Variants in SMC5 observed in about 807,000 individuals in gnomAD.
SMC5 encodes structural maintenance of chromosomes 5, also known as structural maintenance of chromosomes protein 5.
Under a neutral mutation model 148.3 loss-of-function variants are expected in SMC5, and 88 were observed. The observed-to-expected ratio is 0.59, with a 90% CI of 0.50 to 0.71. The LOEUF is 0.71. SMC5 is among the 30% of genes least tolerant of loss of function. The probability of loss-of-function intolerance (pLI) is 0.00; values close to 1 mark genes in which losing one functional copy is unlikely to be tolerated. For synonymous variants in SMC5, 421 were observed against 432.8 expected (o/e 0.97, Z 0.34); for missense variants, 1,142 against 1,298.9 (o/e 0.88, Z 1.86).
intron 16 of SMC5, 52 bp downstream of exon 16, chr9:70,323,658 T>A (rs746015989): frequency 1.3e-6 from 2 of 1,555,512 alleles, no homozygotes; most frequent in Non-Finnish European, 1.7e-6. Context: ...AGCGGGCAGA[T>A]AAGATAGTAA....
chr9:70,323,740 C>A, intron 16 of SMC5, 134 bp downstream of exon 16: 1 of 1,049,490 alleles, frequency 9.5e-7, no homozygotes, highest in Non-Finnish European at 1.4e-6. Context: ...AGATCTTTAT[C>A]ATCAGTTTCA....
intron 3 of SMC5, among the ~76,000 whole-genome samples, chr9:70,268,627 G>C (rs1212479315): frequency 6.8e-6 from 1 of 147,106 alleles, no homozygotes; most frequent in Non-Finnish European, 1.5e-5. Context: ...TGCTGATCTT[G>C]AAAGTAATAC....
At chr9:70,334,766 A>G (rs2036316906) in intron 17 of SMC5, among the ~76,000 whole-genome samples, 1 of 152,220 alleles carries the variant, frequency 6.6e-6, no homozygotes, top group Non-Finnish European at 1.5e-5. Flanking sequence ...AAAGAAAACC[A>G]ACAACCCAGT....
In SMC5 at chr9:70,353,893, CTT is replaced by C. The variant is rs1421425901; in HGVS notation, c.*1564_*1565del. On this transcript the variant is annotated 3_prime_UTR_variant, in exon 25 of 25. Transcript: ENST00000361138. ...ATTACTTTGCGTTCCACCAAAATAT[CTT>C]TACTAAAATGTGCTTGGTGTAGTTT... is the stretch of plus-strand genomic sequence containing the variant. 7 of 152,166 alleles carry C rather than the reference CTT, an allele frequency of 4.6e-5. No homozygotes were observed. The highest frequency in any genetic ancestry group is 8.8e-5 in the Non-Finnish European group (6 of 68,024). The allele number at this position is 152,166 out of a possible 1,614,324, so 9.4% of individuals were successfully genotyped here.
intron 8 of SMC5, chr9:70,286,717 C>CT (rs34919823): frequency 0.015 from 1,796 of 117,434 alleles, 34 homozygotes; most frequent in Non-Finnish European, 0.022. Flanking sequence ...AACTTTTCGT[C>CT]TTTTTTTTTT....
intron 1 of SMC5, 106 bp downstream of exon 1, chr9:70,259,369 G>A: frequency 8.1e-7 from 1 of 1,228,064 alleles, no homozygotes; most frequent in Non-Finnish European, 1.1e-6. Flanking sequence ...TACCTGGCTT[G>A]TGGGTCTGGC....
chr9:70,323,597 C>G lies in SMC5; in HGVS notation c.2265C>G (p.Asn755Lys), dbSNP rs577507828. The part of the protein sequence containing the change: ...QKAKLVTELT[N>K]LIKICTSLHI... ...CGAAACTTGTTACCGAATTAACAAA[C>G]CTAATAAAGGTAAGGTATTGTTTTA... Residue 755 changes from asparagine to lysine, a missense_variant, in exon 16 of 25, where the codon AAC (asparagine) becomes AAG (lysine). Coordinates refer to ENST00000361138, the MANE Select transcript of SMC5 (RefSeq NM_015110.4). 1 of 1,610,724 alleles carries G rather than the reference C, an allele frequency of 6.2e-7. No homozygotes were observed. Among genetic ancestry groups the G allele is most frequent in the South Asian group, 1.1e-5 (1 of 90,464 alleles).
intron 11 of SMC5, among the ~76,000 whole-genome samples, chr9:70,313,252 A>T (rs990081203): frequency 1.3e-5 from 2 of 152,144 alleles, no homozygotes; most frequent in Non-Finnish European, 2.9e-5. Context: ...TTCATTTCAG[A>T]TAATGCATAT....
intron 17 of SMC5, among the ~76,000 whole-genome samples, chr9:70,338,898 A>G (rs1408290413): frequency 1.3e-5 from 2 of 152,120 alleles, no homozygotes; most frequent in Non-Finnish European, 2.9e-5. Context: ...GAGTGTACCT[A>G]TAGTTCCAAC....
rs1413602263 is a variant in SMC5, at chr9:70,323,560, A to G, written c.2228A>G (p.Asn743Ser). 15 of 1,612,860 alleles carry G rather than the reference A, an allele frequency of 9.3e-6. No individual in the cohort carries two copies. Among genetic ancestry groups the G allele is most frequent in the Non-Finnish European group, 1.2e-5 (14 of 1,179,464 alleles). The change falls in exon 16 of 25, where the codon AAT (asparagine) becomes AGT (serine). Residue 743 changes from asparagine to serine, a missense_variant. By Grantham distance (46) the Asn-to-Ser change is conservative. Coordinates refer to ENST00000361138, the MANE Select transcript of SMC5 (RefSeq NM_015110.4). ...GCAAGTACCAAAATCAAAGAAATAA[A>G]TGTTCAAAAAGCGAAACTTGTTACC... is the stretch of plus-strand genomic sequence containing the variant. ...RKASTKIKEI[N>S]VQKAKLVTEL...
At chr9:70,297,832 T>A in intron 8 of SMC5, 134 bp from the exon 9 acceptor site, 1 of 980,830 alleles carries the variant, frequency 1.0e-6, no homozygotes, top group South Asian at 1.6e-5. Flanking sequence ...GCTAGTCTAA[T>A]TCTCACAGGA....
intron 10 of SMC5, 145 bp downstream of exon 10, chr9:70,300,345 G>T (rs1005500064): frequency 7.4e-5 from 47 of 635,414 alleles, no homozygotes; most frequent in Non-Finnish European, 1.0e-4. Flanking sequence ...CTATACATGA[G>T]CTTTTTAAAG....
chr9:70,341,584 G>A (rs968518868), intron 17 of SMC5, among the ~76,000 whole-genome samples: 11 of 152,162 alleles, frequency 7.2e-5, no homozygotes, highest in African/African-American at 2.7e-4. Flanking sequence ...TGCATTTTCA[G>A]TTTGGTCCAG....
rs1451354374 is a variant in SMC5 at position 70,290,896 on chromosome 9, T to C, written c.1053+4625T>C. On this transcript the variant is annotated intron_variant, in intron 8 of 24. Transcript: ENST00000361138. ...AAAGGGTTAAAGCCCCTTTGTCTTATAAGTCCATTTCTGTACTTCCTCAGG... is the reference window on the plus strand; with the variant it reads ...AAAGGGTTAAAGCCCCTTTGTCTTACAAGTCCATTTCTGTACTTCCTCAGG... 2.6e-5 allele frequency among the ~76,000 whole-genome samples: 4 copies of C among 152,240 alleles called. No homozygotes were observed. In the South Asian group the frequency reaches 6.2e-4, roughly 24 times the overall value.
intron 15 of SMC5, among the ~76,000 whole-genome samples, chr9:70,320,704 G>T (rs1165596450): frequency 6.6e-6 from 1 of 151,982 alleles, no homozygotes; most frequent in Non-Finnish European, 1.5e-5. Context: ...GATACTGGGG[G>T]ACAACTATAT....
At position 70,346,611 on chromosome 9, in the gene SMC5, C is replaced by G. The variant is rs1233993311; in HGVS notation, c.2530C>G (p.Pro844Ala). ...ACCCATTCTACCAATTCAGCAAGTACCCACCATTCCAAATGGACACAACTC... is the reference window on the plus strand; with the variant it reads ...ACCCATTCTACCAATTCAGCAAGTAGCCACCATTCCAAATGGACACAACTC... ...TLPQEYQTQV[P>A]TIPNGHNSSL... The change falls in exon 19 of 25, where the codon CCC becomes GCC. Residue 844 changes from proline to alanine, a missense_variant. By Grantham distance (27) the Pro-to-Ala change is conservative. Coordinates refer to ENST00000361138, the MANE Select transcript of SMC5 (RefSeq NM_015110.4). The G allele has an allele frequency of 1.2e-6, 2 of 1,613,980 alleles. No individual in the cohort carries two copies. The highest frequency in any genetic ancestry group is 3.3e-5 in the Admixed American group (2 of 60,004).
intron 13 of SMC5, among the ~76,000 whole-genome samples, chr9:70,317,965 G>A (rs2035846670): frequency 6.6e-6 from 1 of 152,020 alleles, no homozygotes; most frequent in Admixed American, 6.6e-5. Flanking sequence ...CTTCTCTCCT[G>A]CTATCTCTTC....
At chr9:70,265,097 A>G (rs1327455723) in intron 2 of SMC5, among the ~76,000 whole-genome samples, 1 of 152,224 alleles carries the variant, frequency 6.6e-6, no homozygotes, top group Non-Finnish European at 1.5e-5. Context: ...GCGGAAAAAT[A>G]CTGCCCGAAC....
chr9:70,281,141 G>A (rs1163553791), intron 6 of SMC5, among the ~76,000 whole-genome samples: 1 of 151,616 alleles, frequency 6.6e-6, no homozygotes, highest in African/African-American at 2.4e-5. Context: ...GGGTTCAAGC[G>A]ATTCTCCTGC....
Sources: gnomAD v4.1 joint callset for allele counts (sites outside exome capture counted in the v4.1 genomes callset) on GRCh38, gnomAD v4.1.1 for gene constraint, MANE v1.5 for transcripts, NCBI Gene and HGNC (gene_info 2026-07-23, HGNC 2026-07-21) for gene names.